The following CCDC171 variants were observed in gnomAD, a reference collection of about 807,000 sequenced individuals.
CCDC171 encodes the protein coiled-coil domain containing 171, also known as coiled-coil domain-containing protein 171.
CCDC171 carries 177 observed loss-of-function variants against 168.2 expected under a neutral mutation model. That is an observed-to-expected ratio of 1.05 (90% CI 0.93 to 1.19). The LOEUF is 1.19. CCDC171 is among the 50% of genes most tolerant of loss of function. The pLI is 0.00. For synonymous variants in CCDC171, 687 were observed against 540.8 expected, an observed-to-expected ratio of 1.27 and a Z score of -3.75; for missense variants, 1,991 against 1,539.0, an observed-to-expected ratio of 1.29 and a Z score of -4.91.
intron 14 of CCDC171, among the ~76,000 whole-genome samples, chr9:15,727,106 T>C (rs925851114): frequency 6.6e-6 from 1 of 152,208 alleles, no homozygotes; most frequent in African/African-American, 2.4e-5. Context: ...TAAAAACATA[T>C]TTCTAATTGG....
At chr9:15,667,661 G>C (rs1478362009) in intron 9 of CCDC171, among the ~76,000 whole-genome samples, 1 of 151,888 alleles carries the variant, frequency 6.6e-6, no homozygotes, top group Non-Finnish European at 1.5e-5. Flanking sequence ...AAAGAGAAAA[G>C]CTTCATTTAT....
intron 21 of CCDC171, among the ~76,000 whole-genome samples, chr9:15,826,734 C>T (rs972368924): frequency 6.6e-6 from 1 of 152,178 alleles, no homozygotes; most frequent in Non-Finnish European, 1.5e-5. Flanking sequence ...ACTTCATATA[C>T]CAGCCTTCAG....
chr9:15,944,113 A>G (rs1221809663), intron 25 of CCDC171, among the ~76,000 whole-genome samples: 1 of 152,028 alleles, frequency 6.6e-6, no homozygotes, highest in Non-Finnish European at 1.5e-5. Context: ...ATACCCATAT[A>G]CATACCCTTA....
intron 7 of CCDC171, among the ~76,000 whole-genome samples, chr9:15,625,071 G>C (rs1466362212): frequency 6.6e-6 from 1 of 152,178 alleles, no homozygotes; most frequent in African/African-American, 2.4e-5. Context: ...GGTCAGTGAT[G>C]ATGAGCATTT....
At chr9:15,770,669 C>G (rs574440804) in intron 18 of CCDC171, among the ~76,000 whole-genome samples, 1 of 152,166 alleles carries the variant, frequency 6.6e-6, no homozygotes, top group South Asian at 2.1e-4. Context: ...TTGTCCAACA[C>G]AATTCCCTTA....
chr9:16,065,133 C>A (rs1241835896), downstream of CCDC171, among the ~76,000 whole-genome samples: 1 of 152,196 alleles, frequency 6.6e-6, no homozygotes, highest in African/African-American at 2.4e-5. Flanking sequence ...AGCAAAGCAC[C>A]TTTCCCATAG....
At chr9:15,598,750 G>T (rs2042585560) in intron 6 of CCDC171, among the ~76,000 whole-genome samples, 1 of 152,126 alleles carries the variant, frequency 6.6e-6, no homozygotes, top group South Asian at 2.1e-4. Context: ...ACAGTGGGGT[G>T]TTAAAGTCTC....
At chr9:15,601,614 A>G (rs936670800) in intron 6 of CCDC171, among the ~76,000 whole-genome samples, 19 of 152,346 alleles carry the variant, frequency 1.2e-4, no homozygotes, top group African/African-American at 4.6e-4. Flanking sequence ...CCTCGAAGAT[A>G]TTTCAGCGCA....
chr9:15,981,092 C>T lies in CCDC171; in HGVS notation n.369-39497C>T, dbSNP rs550548387. 1.2e-4 allele frequency among the ~76,000 whole-genome samples: 19 copies of T among 152,216 alleles called. No homozygotes were observed. In the East Asian group the frequency reaches 1.7e-3, roughly 14 times the overall value. On this transcript the variant is annotated intron_variant and non_coding_transcript_variant, in intron 3 of 9. Coordinates refer to the CCDC171 transcript ENST00000486641. ...CTGTCACGAGAAAAGCCAGGAAAGACGTGCCCCCATGATTCAGTTACCTCC... is the reference window on the plus strand; with the variant it reads ...CTGTCACGAGAAAAGCCAGGAAAGATGTGCCCCCATGATTCAGTTACCTCC...
intron 7 of CCDC171, among the ~76,000 whole-genome samples, chr9:15,645,001 C>T (rs2046922972): frequency 6.6e-6 from 1 of 152,230 alleles, no homozygotes; most frequent in Non-Finnish European, 1.5e-5. Flanking sequence ...CTAGTAGGGG[C>T]AGACTGATGC....
intron 1 of CCDC171, among the ~76,000 whole-genome samples, chr9:16,049,570 G>A (rs1034794904): frequency 3.9e-5 from 6 of 152,116 alleles, no homozygotes; most frequent in Non-Finnish European, 5.9e-5. Context: ...CAGGGTAGCC[G>A]GTCTTTGGGC....
chr9:15,906,291 C>T (rs1195184641), intron 24 of CCDC171, among the ~76,000 whole-genome samples: 2 of 152,042 alleles, frequency 1.3e-5, no homozygotes, highest in Non-Finnish European at 2.9e-5. Flanking sequence ...ACTGGCAAAC[C>T]AAATCCAGCA....
At chr9:15,941,211 G>A (rs952255242) in intron 25 of CCDC171, among the ~76,000 whole-genome samples, 7 of 151,916 alleles carry the variant, frequency 4.6e-5, no homozygotes, top group Non-Finnish European at 7.4e-5. Context: ...CAAACAAAAT[G>A]AGTATTTAAA....
chr9:15,942,469 G>C (rs533420473), intron 25 of CCDC171, among the ~76,000 whole-genome samples: 3 of 152,002 alleles, frequency 2.0e-5, no homozygotes, highest in South Asian at 2.1e-4. Flanking sequence ...AAGGAAAGGA[G>C]AGAAATTGCT....
At chr9:15,986,521 A>C (rs958942479) in intron 3 of CCDC171, among the ~76,000 whole-genome samples, 13 of 152,228 alleles carry the variant, frequency 8.5e-5, no homozygotes, top group Non-Finnish European at 1.3e-4. Flanking sequence ...TGCGCTCATT[A>C]AAAACTAACC....
chr9:15,746,482 A>T (rs1564334349), intron 18 of CCDC171, among the ~76,000 whole-genome samples: 1 of 152,224 alleles, frequency 6.6e-6, no homozygotes, highest in South Asian at 2.1e-4. Context: ...GCAGAACCTC[A>T]AGATACTGGG....
intron 16 of CCDC171, among the ~76,000 whole-genome samples, chr9:15,730,676 A>G (rs1350948968): frequency 6.6e-6 from 1 of 151,786 alleles, no homozygotes; most frequent in African/African-American, 2.4e-5. Flanking sequence ...TATTATTATT[A>G]TATTAAATCA....
chr9:15,846,124 A>G (rs1297437198), intron 21 of CCDC171, among the ~76,000 whole-genome samples: 1 of 152,046 alleles, frequency 6.6e-6, no homozygotes, highest in Non-Finnish European at 1.5e-5. Context: ...CGTGAGAGTT[A>G]TTTACTGGGA....
At chr9:15,722,002 A>C (rs1213025451) in intron 12 of CCDC171, 127 bp downstream of exon 12, 1 of 389,684 alleles carries the variant, frequency 2.6e-6, no homozygotes, top group Non-Finnish European at 4.6e-6. Flanking sequence ...TACAAAAAAT[A>C]ATAAATTATC....
Sources: gnomAD v4.1 joint callset for allele counts (sites outside exome capture counted in the v4.1 genomes callset) on GRCh38, gnomAD v4.1.1 for gene constraint, MANE v1.5 for transcripts, NCBI Gene and HGNC (gene_info 2026-07-23, HGNC 2026-07-21) for gene names.